Variants in CHN2 observed in about 807,000 individuals in gnomAD.
CHN2 encodes chimerin 2.
Under a neutral mutation model 56.3 loss-of-function variants are expected in CHN2, and 35 were observed. The ratio of observed to expected loss-of-function variants is 0.62; its 90% CI spans 0.47 to 0.82. The LOEUF (loss-of-function observed/expected upper bound fraction) is 0.82, where lower values mean the gene tolerates loss of function less well. Ranked by LOEUF, CHN2 falls within the 40% of genes least tolerant of loss-of-function variation. CHN2 has a pLI of 0.00. For missense variants in CHN2, 491 were observed against 580.5 expected (o/e 0.85, Z 1.58); for synonymous variants, 210 against 212.8 (o/e 0.99, Z 0.12).
chr7:29,238,956 G>C (rs1041645683), intron 1 of CHN2, among the ~76,000 whole-genome samples: 1 of 152,226 alleles, frequency 6.6e-6, no homozygotes, highest in Non-Finnish European at 1.5e-5. Flanking sequence ...TAGATCTTAG[G>C]AGATCGTGTA....
Position 29,307,728 on chromosome 7 carries a change from C to T in CHN2, c.50-46897C>T, listed in dbSNP as rs541787618. On this transcript the variant is annotated intron_variant, in intron 1 of 12. Transcript: ENST00000222792. ...GTGGACAAAATAGATTCTTCCTTAG[C>T]GTCTCCACCCAGCTGTTGAATTTGC... Among the ~76,000 whole-genome samples, 25 of 152,204 alleles carry T rather than the reference C, an allele frequency of 1.6e-4. No homozygotes were observed. In the East Asian group the frequency reaches 4.1e-3, roughly 25 times the overall value.
chr7:29,455,491 G>A (rs568642555), intron 6 of CHN2, among the ~76,000 whole-genome samples: 1 of 152,102 alleles, frequency 6.6e-6, no homozygotes, highest in Non-Finnish European at 1.5e-5. Flanking sequence ...CCAGAACCCC[G>A]GTTTCCTGAC....
At chr7:29,418,478 T>C (rs1047035922) in intron 6 of CHN2, among the ~76,000 whole-genome samples, 8 of 152,240 alleles carry the variant, frequency 5.3e-5, no homozygotes, top group African/African-American at 1.9e-4. Flanking sequence ...CCTAATTCCA[T>C]AGTTAGCTGA....
chr7:29,403,358 C>T (rs545498195), intron 6 of CHN2, among the ~76,000 whole-genome samples: 7 of 150,746 alleles, frequency 4.6e-5, no homozygotes, highest in African/African-American at 9.8e-5. Flanking sequence ...TTGCTAAGGG[C>T]GTGTCTTGAA....
intron 3 of CHN2, among the ~76,000 whole-genome samples, chr7:29,374,512 A>G (rs530431312): frequency 1.3e-5 from 2 of 152,282 alleles, no homozygotes. Flanking sequence ...CTTCTAAAAT[A>G]ATACAGATCC....
At chr7:29,151,415 C>T (rs767192812) in intron 2 of CHN2, among the ~76,000 whole-genome samples, 1 of 152,110 alleles carries the variant, frequency 6.6e-6, no homozygotes, top group Non-Finnish European at 1.5e-5. Flanking sequence ...TTCAGTTTCC[C>T]TTCGGCTATG....
intron 6 of CHN2, among the ~76,000 whole-genome samples, chr7:29,478,733 G>A (rs1786823650): frequency 1.3e-5 from 2 of 152,198 alleles, no homozygotes; most frequent in Admixed American, 6.5e-5. Context: ...CCCATATGCT[G>A]CAGATTAAAT....
At position 29,350,158 on chromosome 7, in the gene CHN2, G is replaced by A. The variant is rs146856713; in HGVS notation, c.50-4467G>A. ...TGGCAAGGATGAATGATGTGTCAGA[G>A]GTCTAGAAGACAAAGCTCTCACCTC... On this transcript the variant is annotated intron_variant, in intron 1 of 12. Coordinates refer to ENST00000222792, the MANE Select transcript of CHN2 (RefSeq NM_004067.4). 1.4e-3 allele frequency among the ~76,000 whole-genome samples: 217 copies of A among 152,246 alleles called. 1 individual carries two copies. Among genetic ancestry groups the A allele is most frequent in the African/African-American group, 5.0e-3 (206 of 41,520 alleles).
At chr7:29,195,629 AGTGTGTGT>A (rs70980513) in intron 1 of CHN2, among the ~76,000 whole-genome samples, 246 of 117,512 alleles carry the variant, frequency 2.1e-3, no homozygotes, top group Middle Eastern at 8.9e-3. Context: ...AGAGAGAGAG[AGTGTGTGT>A]GTGTGTGTGT....
chr7:29,172,792 C>G (rs1487556652), intron 2 of CHN2, among the ~76,000 whole-genome samples: 1 of 151,492 alleles, frequency 6.6e-6, no homozygotes, highest in African/African-American at 2.4e-5. Flanking sequence ...TTTTCAACTT[C>G]TGTTTCCAGC....
intron 1 of CHN2, among the ~76,000 whole-genome samples, chr7:29,268,985 G>C (rs778828778): frequency 2.0e-4 from 31 of 152,180 alleles, no homozygotes; most frequent in Non-Finnish European, 4.4e-4. Flanking sequence ...TTTGATACAA[G>C]CATATAATGT....
chr7:29,496,329 A>G (rs559319659), intron 8 of CHN2, among the ~76,000 whole-genome samples: 13 of 152,244 alleles, frequency 8.5e-5, no homozygotes, highest in African/African-American at 2.9e-4. Context: ...AAAAAAATCA[A>G]TTCCAATGGA....
At chr7:29,421,001 A>G (rs1804287769) in intron 6 of CHN2, among the ~76,000 whole-genome samples, 1 of 152,134 alleles carries the variant, frequency 6.6e-6, no homozygotes, top group South Asian at 2.1e-4. Context: ...GGGTTTCGCC[A>G]TGTTGGCCAG....
rs140468865 is a variant in CHN2, at chr7:29,386,880, C to G, written c.145-6799C>G. Among the ~76,000 whole-genome samples the G allele has an allele frequency of 1.1e-3, 161 of 152,282 alleles. 4 individuals carry two copies. Among genetic ancestry groups the G allele is most frequent in the Admixed American group, 8.2e-3 (126 of 15,296 alleles). On this transcript the variant is annotated intron_variant, in intron 3 of 12. Transcript: ENST00000222792. ...TCATTCAAGAGAGATTTTAAGGTCTCGAGTCCTAGCAAAGAAAACTGAAGA... is the reference window on the plus strand; with the variant it reads ...TCATTCAAGAGAGATTTTAAGGTCTGGAGTCCTAGCAAAGAAAACTGAAGA...
chr7:29,393,269 T>C (rs10256495), intron 3 of CHN2, among the ~76,000 whole-genome samples: 46,104 of 152,174 alleles, frequency 0.3, 7,952 homozygotes, highest in African/African-American at 0.48. Context: ...CAGGTAGACT[T>C]CTTGTTTTAA....
intron 5 of CHN2, 129 bp downstream of exon 5, chr7:29,398,615 A>AGG (rs140510730): frequency 6.8e-5 from 43 of 631,030 alleles, no homozygotes; most frequent in South Asian, 6.1e-4. Context: ...TTATGTTATG[A>AGG]GGGGGGGGTC....
At chr7:29,367,512 C>T (rs1799259173) in intron 2 of CHN2, among the ~76,000 whole-genome samples, 1 of 152,162 alleles carries the variant, frequency 6.6e-6, no homozygotes, top group African/African-American at 2.4e-5. Context: ...TCTTAAAATG[C>T]CAGTTCTTTT....
intron 6 of CHN2, among the ~76,000 whole-genome samples, chr7:29,405,172 C>CAT (rs1802538029): frequency 1.4e-5 from 1 of 73,806 alleles, no homozygotes; most frequent in Admixed American, 1.3e-4. Flanking sequence ...CATACACACA[C>CAT]ACACACACAC....
chr7:29,255,850 G>A (rs575146971), intron 1 of CHN2, among the ~76,000 whole-genome samples: 2 of 152,210 alleles, frequency 1.3e-5, no homozygotes, highest in East Asian at 3.9e-4. Flanking sequence ...CTTCTGTAAG[G>A]ACAGAATCTA....
Sources: gnomAD v4.1 joint callset for allele counts (sites outside exome capture counted in the v4.1 genomes callset) on GRCh38, gnomAD v4.1.1 for gene constraint, MANE v1.5 for transcripts, NCBI Gene and HGNC (gene_info 2026-07-23, HGNC 2026-07-21) for gene names.